The following TPH2 variants were observed in gnomAD, a reference collection of about 807,000 sequenced individuals.
The protein encoded by TPH2 is tryptophan 5-hydroxylase 2.
TPH2 carries 27 observed loss-of-function variants against 59.1 expected under a neutral mutation model. That is an observed-to-expected ratio of 0.46 (90% confidence interval 0.34 to 0.63). The LOEUF is 0.63. Ranked by LOEUF, TPH2 falls within the 30% of genes least tolerant of loss-of-function variation. TPH2 has a pLI of 0.01. For synonymous variants in TPH2, 220 were observed against 210.5 expected (o/e 1.05, Z -0.39); for missense variants, 523 against 588.3 (o/e 0.89, Z 1.15).
At chr12:71,987,898 C>A (rs1259894463) in intron 7 of TPH2, among the ~76,000 whole-genome samples, 3 of 151,986 alleles carry the variant, frequency 2.0e-5, no homozygotes, top group Non-Finnish European at 2.9e-5. Context: ...TTACAATCTC[C>A]ACTTTATAGA....
intron 9 of TPH2, among the ~76,000 whole-genome samples, chr12:72,023,087 A>ATT (rs545048505): frequency 5.9e-5 from 9 of 152,082 alleles, no homozygotes; most frequent in African/African-American, 2.2e-4. Flanking sequence ...TAAAATGGTC[A>ATT]CTTTTTTTTT....
intron 5 of TPH2, among the ~76,000 whole-genome samples, chr12:71,971,279 A>G (rs1241319306): frequency 6.6e-6 from 1 of 152,186 alleles, no homozygotes. Context: ...TTTTACGTGC[A>G]TATGTTTGGA....
chr12:71,949,443 T>C, intron 4 of TPH2, 145 bp from the exon 5 acceptor site: 1 of 661,598 alleles, frequency 1.5e-6, no homozygotes, highest in Non-Finnish European at 2.7e-6. Context: ...CACAATTTGT[T>C]TCTGTCTGTG....
intron 5 of TPH2, among the ~76,000 whole-genome samples, chr12:71,966,353 A>G (rs982053534): frequency 7.2e-5 from 11 of 152,158 alleles, no homozygotes; most frequent in Non-Finnish European, 8.8e-5. Flanking sequence ...TACATATTTT[A>G]TTATACTTTA....
At chr12:71,982,225 G>A (rs1276235809) in intron 7 of TPH2, among the ~76,000 whole-genome samples, 1 of 151,542 alleles carries the variant, frequency 6.6e-6, no homozygotes, top group Non-Finnish European at 1.5e-5. Flanking sequence ...GGCTGGTCTT[G>A]AACTCCTGAC....
At chr12:71,982,013 G>GTTTTTTTTTTTTTTTTTTTTTTTT (rs1468983565) in intron 7 of TPH2, among the ~76,000 whole-genome samples, 2 of 55,666 alleles carry the variant, frequency 3.6e-5, no homozygotes, top group African/African-American at 1.3e-4. Flanking sequence ...CATATCATTC[G>GTTTTTTTTTTTTTTTTTTTTTTTT]TATTTTTTTT....
intron 9 of TPH2, among the ~76,000 whole-genome samples, chr12:72,023,268 T>G (rs983993231): frequency 6.6e-6 from 1 of 152,256 alleles, no homozygotes; most frequent in African/African-American, 2.4e-5. Context: ...CTATTCAGAC[T>G]AAGGTCAGGA....
chr12:71,947,657 G>A (rs1871231306), intron 4 of TPH2, among the ~76,000 whole-genome samples: 1 of 152,034 alleles, frequency 6.6e-6, no homozygotes, highest in Non-Finnish European at 1.5e-5. Context: ...AGTTCAGAAT[G>A]GATGGCCAAG....
Position 71,961,783 on chromosome 12 carries a change from T to C in TPH2, c.609-10736T>C, listed in dbSNP as rs1448563354. 3.1e-6 allele frequency: 4 copies of C among 1,286,652 alleles called. No individual in the cohort carries two copies. The African/African-American group carries it at 4.6e-5, about 15-fold the overall frequency. The allele number at this position is 1,286,652 out of a possible 1,614,324, so 79.7% of individuals were successfully genotyped here. On this transcript the variant is annotated intron_variant, in intron 5 of 10. Coordinates refer to ENST00000333850, the MANE Select transcript of TPH2 (RefSeq NM_173353.4). ...AAGGTGAGAAAATAGTGGGAAGCCC[T>C]ATCCTGTGGTGCACAGGACAAATAA...
chr12:71,991,757 A>C (rs1344031714), intron 7 of TPH2, among the ~76,000 whole-genome samples: 1 of 152,222 alleles, frequency 6.6e-6, no homozygotes, highest in Non-Finnish European at 1.5e-5. Flanking sequence ...ATGGAGAATG[A>C]ATTAGTTACC....
At chr12:71,947,784 A>G (rs1020572929) in intron 4 of TPH2, among the ~76,000 whole-genome samples, 2 of 152,090 alleles carry the variant, frequency 1.3e-5, no homozygotes, top group African/African-American at 4.8e-5. Context: ...TCACCGCCAC[A>G]CTAAGCTAAT....
intron 2 of TPH2, among the ~76,000 whole-genome samples, chr12:71,942,319 AGAAAGATCCTGGTTAGGGAT>A (rs776329340): frequency 2.0e-5 from 3 of 152,182 alleles, no homozygotes; most frequent in Non-Finnish European, 4.4e-5. Flanking sequence ...TGAACCCTCA[AGAAAGATCCTGGTTAGGGAT>A]GAGGCTGGAA....
At chr12:71,958,360 C>T (rs1426693989) in intron 5 of TPH2, among the ~76,000 whole-genome samples, 2 of 152,186 alleles carry the variant, frequency 1.3e-5, no homozygotes, top group Non-Finnish European at 2.9e-5. Context: ...GTGGCTTCAG[C>T]AACTTCCACT....
intron 5 of TPH2, chr12:71,962,345 T>A (rs887476220): frequency 2.0e-6 from 2 of 985,346 alleles, no homozygotes; most frequent in African/African-American, 3.5e-5. Context: ...CAAGGAAACA[T>A]CTCTGTATTT....
intron 6 of TPH2, among the ~76,000 whole-genome samples, chr12:71,977,008 C>T (rs1872137710): frequency 6.6e-6 from 1 of 152,106 alleles, no homozygotes; most frequent in Non-Finnish European, 1.5e-5. Flanking sequence ...TCAAAGAGTA[C>T]AAAGTTGCAG....
At chr12:72,006,033 C>A (rs577071385) in intron 8 of TPH2, among the ~76,000 whole-genome samples, 2 of 152,156 alleles carry the variant, frequency 1.3e-5, no homozygotes, top group Non-Finnish European at 2.9e-5. Context: ...AAAAGGGAAA[C>A]TGGAATCCAT....
intron 7 of TPH2, among the ~76,000 whole-genome samples, chr12:71,993,270 T>C (rs1451778068): frequency 1.3e-5 from 2 of 152,254 alleles, no homozygotes; most frequent in Non-Finnish European, 2.9e-5. Flanking sequence ...TACTTTTTAA[T>C]TGTAATAATG....
intron 5 of TPH2, among the ~76,000 whole-genome samples, chr12:71,970,259 G>A (rs1871937569): frequency 6.6e-6 from 1 of 152,184 alleles, no homozygotes; most frequent in African/African-American, 2.4e-5. Context: ...CATTGCACCG[G>A]TTTTTAACTC....
intron 5 of TPH2, among the ~76,000 whole-genome samples, chr12:71,960,151 A>G (rs1475283695): frequency 2.0e-5 from 3 of 152,210 alleles, no homozygotes; most frequent in African/African-American, 7.2e-5. Flanking sequence ...GAACAAAACC[A>G]AATATTTGTA....
Sources: gnomAD v4.1 joint callset for allele counts (sites outside exome capture counted in the v4.1 genomes callset) on GRCh38, gnomAD v4.1.1 for gene constraint, MANE v1.5 for transcripts, NCBI Gene and HGNC (gene_info 2026-07-23, HGNC 2026-07-21) for gene names.